IL18: variants seen among roughly 807,000 people sequenced by gnomAD.
IL18 encodes the protein interleukin 18, also known as interleukin-18.
In IL18, 8 loss-of-function variants were observed where a neutral mutation model predicts 14.2. The observed-to-expected ratio is 0.56, with a 90% CI of 0.33 to 1.01. IL18 has a LOEUF of 1.01. Among genes scored for constraint, IL18 ranks in the 50% least tolerant of loss-of-function variants. IL18 has a pLI of 0.03. For missense variants in IL18, 166 were observed against 231.1 expected, an observed-to-expected ratio of 0.72 and a Z score of 1.83; for synonymous variants, 67 against 71.0, an observed-to-expected ratio of 0.94 and a Z score of 0.28.
At chr11:112,145,566 C>T (rs1462408281) in intron 5 of IL18, among the ~76,000 whole-genome samples, 2 of 151,936 alleles carry the variant, frequency 1.3e-5, no homozygotes, top group South Asian at 2.1e-4. Flanking sequence ...GGTGAAACCC[C>T]GTCTCTACTA....
In IL18 at chr11:112,148,756, T is replaced by C. The variant is rs370406754; in HGVS notation, c.227-20A>G. The C allele has an allele frequency of 2.2e-6, 3 of 1,352,408 alleles. No homozygotes were observed. Among genetic ancestry groups the C allele is most frequent in the Non-Finnish European group, 2.9e-6 (3 of 1,027,882 alleles). The allele number at this position is 1,352,408 out of a possible 1,614,324, so 83.8% of individuals were successfully genotyped here. On this transcript the variant is annotated intron_variant, in intron 4 of 5. Coordinates refer to ENST00000280357, the MANE Select transcript of IL18 (RefSeq NM_001562.4). ...CATTATCTGAAATAAATATAATAAA[T>C]GAGAACTCTAGTTAGAAGAATTCTT...
intron 3 of IL18, among the ~76,000 whole-genome samples, chr11:112,152,445 T>C (rs924814076): frequency 6.6e-6 from 1 of 152,202 alleles, no homozygotes; most frequent in Non-Finnish European, 1.5e-5. Flanking sequence ...CCATCAATTC[T>C]TTATACCAAA....
intron 5 of IL18, among the ~76,000 whole-genome samples, chr11:112,147,771 C>T (rs556466751): frequency 5.2e-4 from 79 of 152,224 alleles, no homozygotes; most frequent in African/African-American, 1.8e-3. Flanking sequence ...TCAGTGGGGA[C>T]TGGGTGGGCA....
intron 3 of IL18, 44 bp from the exon 4 acceptor site, chr11:112,150,250 T>TATATA (rs778586913): frequency 1.5e-6 from 2 of 1,310,612 alleles, no homozygotes; most frequent in Non-Finnish European, 2.2e-6. Flanking sequence ...ATAGTTTCTT[T>TATATA]GTTAATTGAC....
chr11:112,146,446 G>A (rs555040151), intron 5 of IL18, among the ~76,000 whole-genome samples: 3 of 152,250 alleles, frequency 2.0e-5, no homozygotes, highest in Admixed American at 6.5e-5. Context: ...TCAGGCTCAC[G>A]AGTAGCTGGG....
At chr11:112,155,386 C>T (rs1429743091) in intron 1 of IL18, among the ~76,000 whole-genome samples, 1 of 152,114 alleles carries the variant, frequency 6.6e-6, no homozygotes, top group Non-Finnish European at 1.5e-5. Flanking sequence ...TATAGTTTCA[C>T]CTGAGGATGC....
At position 112,143,439 on chromosome 11, in the gene IL18, C is replaced by T. The variant is rs1336464505; in HGVS notation, c.*157G>A. The T allele has an allele frequency of 1.3e-5, 7 of 559,292 alleles. No homozygotes were observed. In the African/African-American group the frequency reaches 1.3e-4, roughly 11 times the overall value. The allele number at this position is 559,292 out of a possible 1,614,324, so 34.6% of individuals were successfully genotyped here. Reference sequence around the variant, plus strand: ...GGGATTGAGGGCATGCGTCACTACACTCAGCTAATTTTTTGTATTTTTAGT... The same window carrying T: ...GGGATTGAGGGCATGCGTCACTACATTCAGCTAATTTTTTGTATTTTTAGT... On this transcript the variant is annotated 3_prime_UTR_variant, in exon 6 of 6. Coordinates refer to ENST00000280357, the MANE Select transcript of IL18 (RefSeq NM_001562.4).
chr11:112,151,191 A>C (rs1866433509), intron 3 of IL18: 1 of 152,210 alleles, frequency 6.6e-6, no homozygotes, highest in Non-Finnish European at 1.5e-5. Flanking sequence ...TGATTAAATA[A>C]AAAGGGCAAA....
chr11:112,161,915 G>T (rs909435590), intron 1 of IL18, among the ~76,000 whole-genome samples: 1 of 151,984 alleles, frequency 6.6e-6, no homozygotes, highest in African/African-American at 2.4e-5. Context: ...CTGTTGAATA[G>T]GTATGGGATG....
chr11:112,153,401 C>T (rs1398264041), intron 3 of IL18, 191 bp downstream of exon 3: 3 of 420,262 alleles, frequency 7.1e-6, no homozygotes, highest in Admixed American at 4.3e-5. Context: ...GCATCTTTTG[C>T]TAGAGGTTCT....
chr11:112,155,617 G>A (rs781583290), intron 1 of IL18, among the ~76,000 whole-genome samples: 6 of 152,120 alleles, frequency 3.9e-5, no homozygotes, highest in African/African-American at 9.7e-5. Flanking sequence ...CCTGAGCTGC[G>A]GTGATTTTTG....
chr11:112,159,162 G>T (rs944522083), intron 1 of IL18, among the ~76,000 whole-genome samples: 1 of 152,104 alleles, frequency 6.6e-6, no homozygotes, highest in South Asian at 2.1e-4. Flanking sequence ...AGACCAGCCT[G>T]ACCAACATGG....
chr11:112,157,537 AAG>A (rs566604738), intron 1 of IL18, among the ~76,000 whole-genome samples: 1 of 152,202 alleles, frequency 6.6e-6, no homozygotes, highest in South Asian at 2.1e-4. Flanking sequence ...AGAATCTATA[AAG>A]AGTTACAAAA....
chr11:112,159,444 G>T (rs944469875), intron 1 of IL18, among the ~76,000 whole-genome samples: 1 of 152,000 alleles, frequency 6.6e-6, no homozygotes, highest in Admixed American at 6.6e-5. Context: ...AGTTGATGAG[G>T]CTATAAATTA....
chr11:112,161,075 C>CT (rs1555192220), intron 1 of IL18, among the ~76,000 whole-genome samples: 6,196 of 147,478 alleles, frequency 0.042, 283 homozygotes, highest in African/African-American at 0.11. Flanking sequence ...AGACTACTGA[C>CT]TTTTTTTTTT....
intron 5 of IL18, among the ~76,000 whole-genome samples, chr11:112,145,213 G>C (rs1401413856): frequency 6.6e-6 from 1 of 152,180 alleles, no homozygotes; most frequent in Non-Finnish European, 1.5e-5. Flanking sequence ...CATAACTCTT[G>C]ACCTTTGTTC....
rs1285841242 is a variant in IL18, at chr11:112,148,735, A to T, written c.228T>A (p.Asp76Glu). 2.8e-6 allele frequency: 4 copies of T among 1,431,530 alleles called. No homozygotes were observed. The highest frequency in any genetic ancestry group is 3.7e-6 in the Non-Finnish European group (4 of 1,080,552). 88.7% of individuals were successfully genotyped at this position (1,431,530 alleles called of 1,614,324 possible). ...FEDMTDSDCR[D>E]NAPRTIFIIS... ...TAATAAATATGGTCCGGGGTGCATT[A>T]TCTGAAATAAATATAATAAATGAGA... Residue 76 changes from aspartate (D) to glutamate (E), a missense_variant and splice_region_variant, in exon 5 of 6, where the codon GAT becomes GAA. Physicochemically the swap from Asp to Glu is conservative, Grantham distance 45. Coordinates refer to ENST00000280357, the MANE Select transcript of IL18 (RefSeq NM_001562.4).
At chr11:112,156,226 TA>T (rs1866529362) in intron 1 of IL18, among the ~76,000 whole-genome samples, 1 of 152,120 alleles carries the variant, frequency 6.6e-6, no homozygotes, top group Middle Eastern at 3.4e-3. Flanking sequence ...AAACTCAGTT[TA>T]AAAAAAATTA....
intron 3 of IL18, chr11:112,152,882 T>C (rs1866469587): frequency 6.6e-6 from 1 of 152,262 alleles, no homozygotes; most frequent in South Asian, 2.1e-4. Flanking sequence ...ATGTCTTTGT[T>C]ACAACAAACT....
Sources: gnomAD v4.1 joint callset for allele counts (sites outside exome capture counted in the v4.1 genomes callset) on GRCh38, gnomAD v4.1.1 for gene constraint, MANE v1.5 for transcripts, NCBI Gene and HGNC (gene_info 2026-07-23, HGNC 2026-07-21) for gene names.